GIMAP8: variants seen among roughly 807,000 people sequenced by gnomAD.
The protein encoded by GIMAP8 is GTPase IMAP family member 8.
Under a neutral mutation model 35.6 loss-of-function variants are expected in GIMAP8, and 29 were observed. That is an observed-to-expected ratio of 0.81 (90% CI 0.61 to 1.11). GIMAP8 has a LOEUF of 1.11. GIMAP8 is among the 50% of genes most tolerant of loss of function. The pLI, the probability that GIMAP8 is intolerant of heterozygous loss-of-function variation, is 0.00. For missense variants in GIMAP8, 811 were observed against 805.0 expected (o/e 1.01, Z -0.09); for synonymous variants, 335 against 308.7 (o/e 1.09, Z -0.89).
At chr7:150,469,833 C>T (rs559855099) in intron 2 of GIMAP8, among the ~76,000 whole-genome samples, 6 of 152,264 alleles carry the variant, frequency 3.9e-5, no homozygotes, top group South Asian at 2.1e-4. Context: ...GCATCAGTTA[C>T]GCATGTCCGT....
rs779432820 is a variant in GIMAP8 at position 150,474,561 on chromosome 7, A to G, written c.1232A>G (p.Gln411Arg). 2.4e-5 allele frequency: 38 copies of G among 1,613,598 alleles called. No homozygotes were observed. In the Admixed American group the frequency reaches 6.3e-4, roughly 27 times the overall value. The change falls in exon 4 of 5, where the codon CAG becomes CGG. Residue 411 changes from glutamine (Q) to arginine (R), a missense_variant. Gln to Arg is a conservative substitution (Grantham distance 43, BLOSUM62 1). Transcript: ENST00000307271. ...GCAACAGGAGAAGAAGAGCAAAGGC[A>G]GGCGGACGAGCTCCTGGAAAAAATT... is the stretch of plus-strand genomic sequence containing the variant. ...YRATGEEEQR[Q>R]ADELLEKIES...
intron 1 of GIMAP8, 71 bp from the exon 2 acceptor site, chr7:150,466,600 C>A: frequency 7.4e-7 from 1 of 1,355,188 alleles, no homozygotes; most frequent in Non-Finnish European, 1.0e-6. Context: ...AAGAGAATGT[C>A]TTTTCTTGCT....
rs758156509 is a variant in GIMAP8 at position 150,477,786 on chromosome 7, C to T, written c.*6C>T. 1.3e-5 allele frequency: 21 copies of T among 1,606,878 alleles called. No individual in the cohort carries two copies. Among genetic ancestry groups the T allele is most frequent in the Non-Finnish European group, 1.7e-5 (20 of 1,175,952 alleles). ...TAATAGGTATTTTACAATAGGTAGCCGAAGTGCCTGGGGTCTCTTCAATTA... is the reference window on the plus strand; with the variant it reads ...TAATAGGTATTTTACAATAGGTAGCTGAAGTGCCTGGGGTCTCTTCAATTA... On this transcript the variant is annotated 3_prime_UTR_variant, in exon 5 of 5. Transcript: ENST00000307271.
chr7:150,477,388 C>T lies in GIMAP8; in HGVS notation c.1606C>T (p.Arg536Ter), dbSNP rs751771116. 2.5e-6 allele frequency: 4 copies of T among 1,614,156 alleles called. No individual in the cohort carries two copies. Among genetic ancestry groups the T allele is most frequent in the South Asian group, 1.1e-5 (1 of 91,084 alleles). ...TTTTGTCCTGGTGTTCCAGCTGGGA[C>T]GATTCACTGAAGAGGACAAAACAGC... ...TFFVLVFQLG[R>*]FTEEDKTAVA... Residue 536 changes from arginine (R) to a stop codon, truncating the protein, a stop_gained, in exon 5 of 5, where the codon CGA (arginine) becomes TGA (stop). Coordinates refer to ENST00000307271, the MANE Select transcript of GIMAP8 (RefSeq NM_175571.4). LOFTEE classifies it low-confidence loss of function (END_TRUNC).
chr7:150,474,675 T>C lies in GIMAP8; in HGVS notation c.1309+37T>C, dbSNP rs777680856. ...AATAGGATATATATTTTTACATATA[T>C]CATTTAAAAATAGGTATAAAATATA... On this transcript the variant is annotated intron_variant, in intron 4 of 4. Transcript: ENST00000307271. 2.3e-6 allele frequency: 3 copies of C among 1,314,578 alleles called. No homozygotes were observed. In the African/African-American group the frequency reaches 4.5e-5, roughly 20 times the overall value. The allele number at this position is 1,314,578 out of a possible 1,614,324, so 81.4% of individuals were successfully genotyped here.
intron 1 of GIMAP8, among the ~76,000 whole-genome samples, chr7:150,456,203 A>G (rs1801725633): frequency 6.6e-6 from 1 of 152,198 alleles, no homozygotes; most frequent in African/African-American, 2.4e-5. Flanking sequence ...TTAGTTTCCT[A>G]TTGCTGCTGT....
At chr7:150,456,996 G>C (rs34798516) in intron 1 of GIMAP8, among the ~76,000 whole-genome samples, 10,095 of 152,328 alleles carry the variant, frequency 0.066, 391 homozygotes, top group Middle Eastern at 0.099. Flanking sequence ...AGTGGTGCTA[G>C]AGGAATGAAG....
At chr7:150,475,226 T>C (rs1381150896) in intron 4 of GIMAP8, among the ~76,000 whole-genome samples, 2 of 152,236 alleles carry the variant, frequency 1.3e-5, no homozygotes, top group Non-Finnish European at 2.9e-5. Flanking sequence ...TTCTTTTTTA[T>C]GGCTGCCTAT....
intron 1 of GIMAP8, among the ~76,000 whole-genome samples, chr7:150,455,028 C>T (rs1801696286): frequency 6.6e-6 from 1 of 151,632 alleles, no homozygotes; most frequent in Non-Finnish European, 1.5e-5. Flanking sequence ...ATCCCAGCTA[C>T]TCGGGAGGCT....
intron 1 of GIMAP8, among the ~76,000 whole-genome samples, chr7:150,461,560 T>C (rs1398462067): frequency 6.6e-6 from 1 of 152,228 alleles, no homozygotes. Context: ...TCTGTTTGTG[T>C]GCGATATGTT....
chr7:150,478,409 C>G lies in GIMAP8; in HGVS notation c.*629C>G, dbSNP rs1032774491. 6.6e-6 allele frequency: 1 copy of G among 152,424 alleles called. No homozygotes were observed. Among genetic ancestry groups the G allele is most frequent in the African/African-American group, 2.4e-5 (1 of 41,430 alleles). The allele number at this position is 152,424 out of a possible 1,614,324, so 9.4% of individuals were successfully genotyped here. ...GACATAGTCTTCCATTGCTGGCTGT[C>G]CCTGAGGAAACAGACATGAGTCTTG... is the stretch of plus-strand genomic sequence containing the variant. On this transcript the variant is annotated 3_prime_UTR_variant, in exon 5 of 5. Transcript: ENST00000307271.
intron 3 of GIMAP8, among the ~76,000 whole-genome samples, chr7:150,473,795 G>C (rs1185029442): frequency 1.3e-5 from 2 of 151,522 alleles, no homozygotes. Flanking sequence ...GTGTTCCTGG[G>C]GAATCATAAG....
At chr7:150,477,023 T>A in intron 4 of GIMAP8, 69 bp from the exon 5 acceptor site, 1 of 1,237,406 alleles carries the variant, frequency 8.1e-7, no homozygotes. Context: ...TCTTGCTTCA[T>A]GGGATAACTT....
rs1325982544 is a variant in GIMAP8, at chr7:150,474,068, G to A, written c.739G>A (p.Glu247Lys). Residue 247 changes from glutamate to lysine, a missense_variant, in exon 4 of 5, where the codon GAA (glutamate) becomes AAA (lysine). Glu to Lys is a moderately conservative substitution (Grantham distance 56). Transcript: ENST00000307271. Reference protein sequence around the residue: ...TGPEQNPGTSELTVLLVGKRG... With the variant: ...TGPEQNPGTSKLTVLLVGKRG... Reference sequence around the variant, plus strand: ...ACCCGAGCAGAATCCGGGGACATCAGAACTGACAGTCCTCCTTGTGGGGAA... The same window carrying A: ...ACCCGAGCAGAATCCGGGGACATCAAAACTGACAGTCCTCCTTGTGGGGAA... The A allele has an allele frequency of 6.2e-7, 1 of 1,614,162 alleles. No homozygotes were observed. Among genetic ancestry groups the A allele is most frequent in the Admixed American group, 1.7e-5 (1 of 60,026 alleles).
In GIMAP8 at chr7:150,474,361, G is replaced by A. The variant is rs764363702; in HGVS notation, c.1032G>A (p.Leu344=). Residue 344 remains leucine, a synonymous_variant, in exon 4 of 5, where the codon CTG becomes CTA. Coordinates refer to ENST00000307271, the MANE Select transcript of GIMAP8 (RefSeq NM_175571.4). ...GFYTKNDEAV[L]STIQNNFGEK... ...ACACTAAGAATGATGAGGCAGTGCT[G>A]AGCACCATCCAAAACAATTTTGGAG... 23 of 1,613,986 alleles carry A rather than the reference G, an allele frequency of 1.4e-5. 1 individual carries two copies. Among genetic ancestry groups the A allele is most frequent in the African/African-American group, 4.0e-5 (3 of 74,894 alleles).
chr7:150,464,288 A>G (rs1187520578), intron 1 of GIMAP8, among the ~76,000 whole-genome samples: 2 of 152,182 alleles, frequency 1.3e-5, no homozygotes, highest in Non-Finnish European at 2.9e-5. Flanking sequence ...ATCATTTTGC[A>G]TATTTTCCCA....
intron 1 of GIMAP8, among the ~76,000 whole-genome samples, chr7:150,452,675 G>GATATATATATATATATATATATATAT (rs373374121): frequency 5.0e-5 from 4 of 79,670 alleles, no homozygotes; most frequent in African/African-American, 1.1e-4. Context: ...GTGTGTGTGA[G>GATATATATATATATATATATATATAT]ATATATATAT....
At chr7:150,461,741 C>T (rs1211422108) in intron 1 of GIMAP8, among the ~76,000 whole-genome samples, 3 of 152,190 alleles carry the variant, frequency 2.0e-5, no homozygotes, top group African/African-American at 2.4e-5. Context: ...GAACTTACTC[C>T]TGTCATTGTT....
chr7:150,452,675 GATAT>G (rs373374121), intron 1 of GIMAP8, among the ~76,000 whole-genome samples: 20,661 of 79,598 alleles, frequency 0.26, 2,321 homozygotes, highest in African/African-American at 0.28. Flanking sequence ...GTGTGTGTGA[GATAT>G]ATATATATAT....
Sources: gnomAD v4.1 joint callset for allele counts (sites outside exome capture counted in the v4.1 genomes callset) on GRCh38, gnomAD v4.1.1 for gene constraint, MANE v1.5 for transcripts, NCBI Gene and HGNC (gene_info 2026-07-23, HGNC 2026-07-21) for gene names.